Variants in CCDC81 observed in about 807,000 individuals in gnomAD.
CCDC81 encodes coiled-coil domain containing 81, also known as coiled-coil domain-containing protein 81.
A neutral mutation model predicts 83.7 loss-of-function variants in CCDC81; 79 were observed. The ratio of observed to expected loss-of-function variants is 0.94; its 90% CI spans 0.79 to 1.14. The LOEUF is 1.14. Ranked by LOEUF, CCDC81 falls within the 50% of genes most tolerant of loss-of-function variation. The probability of loss-of-function intolerance (pLI) is 0.00; values close to 1 mark genes in which losing one functional copy is unlikely to be tolerated. For synonymous variants in CCDC81, 252 were observed against 278.1 expected (o/e 0.91, Z 0.93); for missense variants, 791 against 778.1 (o/e 1.02, Z -0.20).
At chr11:86,375,311 G>A (rs549555992) in intron 1 of CCDC81, 69 bp downstream of exon 1, 20 of 1,377,448 alleles carry the variant, frequency 1.5e-5, no homozygotes, top group East Asian at 1.1e-4. Flanking sequence ...GGGAGGCGGG[G>A]GGACCCACTT....
chr11:86,383,483 G>A (rs904825542), intron 1 of CCDC81, among the ~76,000 whole-genome samples: 6 of 152,058 alleles, frequency 3.9e-5, no homozygotes, highest in South Asian at 4.1e-4. Context: ...TACTTGGCAC[G>A]GTGTTTAAAC....
intron 11 of CCDC81, among the ~76,000 whole-genome samples, chr11:86,413,867 T>G (rs1199175479): frequency 6.6e-6 from 1 of 152,170 alleles, no homozygotes; most frequent in African/African-American, 2.4e-5. Flanking sequence ...TCTGCTTACA[T>G]ACATATGCCT....
intron 1 of CCDC81, among the ~76,000 whole-genome samples, chr11:86,376,371 T>C (rs1233472308): frequency 6.6e-6 from 1 of 152,134 alleles, no homozygotes; most frequent in Non-Finnish European, 1.5e-5. Context: ...ACTGGGTCAT[T>C]ATAAAGGAAA....
chr11:86,385,999 C>A, intron 1 of CCDC81, 52 bp from the exon 2 acceptor site: 2 of 871,174 alleles, frequency 2.3e-6, no homozygotes, highest in South Asian at 1.5e-5. Context: ...AAGATACTGT[C>A]ACATGGGTGC....
At chr11:86,393,439 C>G (rs1349841176) in intron 4 of CCDC81, among the ~76,000 whole-genome samples, 1 of 152,142 alleles carries the variant, frequency 6.6e-6, no homozygotes, top group Non-Finnish European at 1.5e-5. Flanking sequence ...TTATTATCAT[C>G]CTAATTTTAC....
intron 5 of CCDC81, among the ~76,000 whole-genome samples, 189 bp from the exon 6 acceptor site, chr11:86,397,432 A>G (rs4944571): frequency 0.24 from 36,141 of 152,206 alleles, 5,461 homozygotes; most frequent in Non-Finnish European, 0.34. Context: ...GGCCTTGGTC[A>G]GCTTCCAGAA....
intron 3 of CCDC81, among the ~76,000 whole-genome samples, chr11:86,388,758 A>T (rs564584432): frequency 1.3e-5 from 2 of 152,108 alleles, no homozygotes; most frequent in Non-Finnish European, 2.9e-5. Flanking sequence ...AAATACCTAG[A>T]GTTTTATGTC....
At chr11:86,384,677 A>G (rs1179249453) in intron 1 of CCDC81, among the ~76,000 whole-genome samples, 1 of 152,210 alleles carries the variant, frequency 6.6e-6, no homozygotes, top group Non-Finnish European at 1.5e-5. Context: ...TGGAAAAAGG[A>G]TTGGGCTTTT....
intron 1 of CCDC81, among the ~76,000 whole-genome samples, chr11:86,384,921 CT>C (rs1275763379): frequency 6.6e-6 from 1 of 152,216 alleles, no homozygotes; most frequent in Non-Finnish European, 1.5e-5. Flanking sequence ...TACATTAACA[CT>C]TTCATTATTG....
chr11:86,400,672 C>T lies in CCDC81; in HGVS notation c.758-6C>T, dbSNP rs1305772419. 6.3e-7 allele frequency: 1 copy of T among 1,595,522 alleles called. No homozygotes were observed. Among genetic ancestry groups the T allele is most frequent in the Non-Finnish European group, 8.6e-7 (1 of 1,165,962 alleles). On this transcript the variant is annotated splice_polypyrimidine_tract_variant and splice_region_variant and intron_variant, in intron 6 of 14. Coordinates refer to ENST00000445632, the MANE Select transcript of CCDC81 (RefSeq NM_001156474.2). ...GACTCGTTTTCATTCATTCTTTATTCTACAGATATCTCATCACCCAAAAGA... is the reference window on the plus strand; with the variant it reads ...GACTCGTTTTCATTCATTCTTTATTTTACAGATATCTCATCACCCAAAAGA...
At chr11:86,392,486 C>T (rs1948344865) in intron 3 of CCDC81, 55 bp from the exon 4 acceptor site, 1 of 1,530,088 alleles carries the variant, frequency 6.5e-7, no homozygotes, top group South Asian at 1.2e-5. Flanking sequence ...TATGATATGT[C>T]CTTATGGTAA....
chr11:86,384,655 C>G (rs1170080125), intron 1 of CCDC81, among the ~76,000 whole-genome samples: 1 of 152,192 alleles, frequency 6.6e-6, no homozygotes, highest in Non-Finnish European at 1.5e-5. Flanking sequence ...ATAAAACAAG[C>G]AGTTTCCAAA....
intron 3 of CCDC81, among the ~76,000 whole-genome samples, chr11:86,388,849 C>T (rs1234382858): frequency 2.6e-5 from 4 of 152,112 alleles, no homozygotes; most frequent in African/African-American, 9.7e-5. Flanking sequence ...AACATCTGTG[C>T]ATTAAAATTA....
chr11:86,394,778 A>G (rs1021852573), intron 4 of CCDC81, among the ~76,000 whole-genome samples: 4 of 152,226 alleles, frequency 2.6e-5, no homozygotes, highest in East Asian at 1.9e-4. Context: ...TTACAGTTAC[A>G]TGAGAATTAA....
Position 86,414,824 on chromosome 11 carries a change from A to C in CCDC81, c.1427A>C (p.Lys476Thr). The C allele has an allele frequency of 6.2e-7, 1 of 1,612,240 alleles. No individual in the cohort carries two copies. Among genetic ancestry groups the C allele is most frequent in the South Asian group, 1.1e-5 (1 of 90,284 alleles). Residue 476 changes from lysine to threonine, a missense_variant, in exon 12 of 15, where the codon AAG becomes ACG. Transcript: ENST00000445632. ...CAAAGAGCGAAATTTTTAAAAGATA[A>C]GATGGAAGAAACACAGTGTTACAAG... ...AAQRAKFLKD[K>T]MEETQCYKRA... is the part of the protein sequence containing the mutation.
Position 86,409,374 on chromosome 11 carries a change from T to C in CCDC81, c.1218+9T>C. On this transcript the variant is annotated intron_variant, in intron 10 of 14. Transcript: ENST00000445632. The stretch of plus-strand genomic sequence containing the variant: ...AGAAACCGGAATTTTATGTAAGTCT[T>C]TTAAAAATTTCTGTTGCTAACACCT... The C allele has an allele frequency of 2.8e-6, 4 of 1,448,130 alleles. No individual in the cohort carries two copies. The highest frequency in any genetic ancestry group is 1.5e-5 in the African/African-American group (1 of 68,710). The allele number at this position is 1,448,130 out of a possible 1,614,324, so 89.7% of individuals were successfully genotyped here. A position where few individuals can be genotyped will look rare whatever the true frequency, so the allele number is the denominator to read the frequency against.
At chr11:86,408,032 T>C in intron 8 of CCDC81, 95 bp from the exon 9 acceptor site, 1 of 1,249,376 alleles carries the variant, frequency 8.0e-7, no homozygotes, top group Admixed American at 2.6e-5. Context: ...AATAGGTTTC[T>C]TGATATACCT....
In CCDC81 at chr11:86,386,086, G is replaced by T. The variant is rs576072834; in HGVS notation, c.115G>T (p.Val39Leu). 3.3e-6 allele frequency: 5 copies of T among 1,510,858 alleles called. No homozygotes were observed. In the Admixed American group the frequency reaches 9.2e-5, roughly 28 times the overall value. 93.6% of individuals were successfully genotyped at this position (1,510,858 alleles called of 1,614,324 possible). The change falls in exon 2 of 15, where the codon GTG (valine) becomes TTG (leucine). Residue 39 changes from valine (V) to leucine (L), a missense_variant. By Grantham distance (32) the Val-to-Leu change is conservative. Coordinates refer to ENST00000445632, the MANE Select transcript of CCDC81 (RefSeq NM_001156474.2). ...SIIWGNVSEF[V>L]RRQLTLHKGV... The stretch of plus-strand genomic sequence containing the variant: ...TATCTGGGGGAATGTATCAGAATTT[G>T]TGAGACGGCAGTTAACCCTGCACAA...
chr11:86,404,025 G>T (rs1948530261), intron 7 of CCDC81, among the ~76,000 whole-genome samples: 1 of 152,104 alleles, frequency 6.6e-6, no homozygotes, highest in African/African-American at 2.4e-5. Context: ...TGAAGGGCAT[G>T]TAGTGGTTAG....
Sources: allele counts gnomAD v4.1 joint callset (sites outside exome capture counted in the v4.1 genomes callset), GRCh38; gene constraint gnomAD v4.1.1; transcripts MANE v1.5; gene names NCBI Gene and HGNC (gene_info 2026-07-23, HGNC 2026-07-21).